Variants in SLC9A5 observed in about 807,000 individuals in gnomAD.
SLC9A5 encodes the protein sodium/hydrogen exchanger 5.
In SLC9A5, 52 loss-of-function variants were observed where a neutral mutation model predicts 91.7. The observed-to-expected ratio is 0.57, with a 90% CI of 0.45 to 0.71. The LOEUF (loss-of-function observed/expected upper bound fraction) is 0.71. Among genes scored for constraint, SLC9A5 ranks in the 30% least tolerant of loss-of-function variants. SLC9A5 has a pLI of 0.00. For missense variants in SLC9A5, 871 were observed against 1,158.9 expected, an observed-to-expected ratio of 0.75 and a Z score of 3.61; for synonymous variants, 419 against 474.5, an observed-to-expected ratio of 0.88 and a Z score of 1.52.
chr16:67,259,385 A>AAG (rs142564401), intron 10 of SLC9A5, among the ~76,000 whole-genome samples, 188 bp from the exon 11 acceptor site: 10 of 150,542 alleles, frequency 6.6e-5, no homozygotes, highest in African/African-American at 2.4e-4. Context: ...AAAAAAAAAA[A>AAG]TAGAAAGCAG....
chr16:67,261,676 A>AATAGTTCTT (rs1437319521), intron 12 of SLC9A5: 2 of 152,204 alleles, frequency 1.3e-5, no homozygotes, highest in Non-Finnish European at 2.9e-5. Context: ...AAAAATCTAT[A>AATAGTTCTT]ATAGTTCTTT....
intron 12 of SLC9A5, chr16:67,262,725 C>T (rs2035571592): frequency 5.5e-6 from 1 of 180,422 alleles, no homozygotes; most frequent in South Asian, 1.2e-4. Flanking sequence ...CTAAGGATAA[C>T]ACTGAGGAGT....
At chr16:67,250,154 T>C (rs1193744081) in intron 1 of SLC9A5, among the ~76,000 whole-genome samples, 1 of 152,194 alleles carries the variant, frequency 6.6e-6, no homozygotes, top group Non-Finnish European at 1.5e-5. Context: ...AATTTGCCCC[T>C]CTTCTCCCAC....
intron 1 of SLC9A5, 138 bp downstream of exon 1, chr16:67,249,339 C>A: frequency 3.1e-6 from 2 of 647,318 alleles, no homozygotes; most frequent in Non-Finnish European, 4.5e-6. Context: ...CAAATCCGGG[C>A]TCTCGCCCAG....
intron 2 of SLC9A5, among the ~76,000 whole-genome samples, chr16:67,253,847 T>G (rs2035217207): frequency 6.6e-6 from 1 of 152,196 alleles, no homozygotes; most frequent in South Asian, 2.1e-4. Context: ...CTGAGGCTCT[T>G]TGCCTTTAGG....
Position 67,252,602 on chromosome 16 carries a change from TG to T in SLC9A5, c.251del (p.Gly84AlafsTer4). On this transcript the variant is annotated frameshift_variant, in exon 2 of 16. Coordinates refer to ENST00000299798, the MANE Select transcript of SLC9A5 (RefSeq NM_004594.3). LOFTEE classifies it high-confidence loss of function. This position sits in a 1 kb window ranked among gnomAD's most constrained non-coding sequence, Gnocchi z 4.0. ...CCTGAGAGCTGCCTGCTGATTTTGCTGGGCCTGGTGCTAGGGGGAATTGTTT... is the reference window on the plus strand; with the variant it reads ...CCTGAGAGCTGCCTGCTGATTTTGCTGGCCTGGTGCTAGGGGGAATTGTTT... ...LVPESCLLILLGLVLGGIVLA... is the reference protein window; with the variant it reads ...LVPESCLLILXGLVLGGIVLA... 6.2e-7 allele frequency: 1 copy of T among 1,614,112 alleles called. No individual in the cohort carries two copies.
chr16:67,251,613 C>T (rs1002798777), intron 1 of SLC9A5, among the ~76,000 whole-genome samples: 2 of 151,810 alleles, frequency 1.3e-5, no homozygotes, highest in Admixed American at 1.3e-4. Flanking sequence ...AGGGTTTCGC[C>T]GTGCTGGCCA....
chr16:67,260,076 C>T (rs777041225), intron 12 of SLC9A5, 130 bp downstream of exon 12: 140 of 1,284,974 alleles, frequency 1.1e-4, no homozygotes, highest in Admixed American at 6.6e-4. Context: ...CAGCCGGGTG[C>T]GATGGCTCAT....
Position 67,255,956 on chromosome 16 carries a change from G to C in SLC9A5, c.911+26G>C. On this transcript the variant is annotated intron_variant, in intron 5 of 15. Coordinates refer to ENST00000299798, the MANE Select transcript of SLC9A5 (RefSeq NM_004594.3). This position sits in a 1 kb window ranked among gnomAD's most constrained non-coding sequence, Gnocchi z 4.9. ...GTGAGTTCTGGGGGCCTTGCAGGCA[G>C]ATAGCTGGGAGGGGGCACTGGAGAT... The C allele has an allele frequency of 6.2e-7, 1 of 1,606,424 alleles. No individual in the cohort carries two copies. Among genetic ancestry groups the C allele is most frequent in the Middle Eastern group, 1.8e-4 (1 of 5,570 alleles).
At position 67,258,510 on chromosome 16, in the gene SLC9A5, GA is replaced by G; in HGVS notation, c.1626+66del. 6.3e-7 allele frequency: 1 copy of G among 1,595,326 alleles called. No individual in the cohort carries two copies. Among genetic ancestry groups the G allele is most frequent in the Admixed American group, 1.7e-5 (1 of 59,892 alleles). ...GGCAGATGGTCAGCAGAGCAGGACAGAAAGGGGTGGCAAGCAGGCTGGCCCT... is the reference window on the plus strand; with the variant it reads ...GGCAGATGGTCAGCAGAGCAGGACAGAAGGGGTGGCAAGCAGGCTGGCCCT... On this transcript the variant is annotated intron_variant, in intron 10 of 15. Coordinates refer to ENST00000299798, the MANE Select transcript of SLC9A5 (RefSeq NM_004594.3). The surrounding 1 kb of genome is among the most constrained non-coding windows in gnomAD (Gnocchi z 4.5).
rs756795558 is a variant in SLC9A5 at position 67,271,222 on chromosome 16, G to T, written c.*12G>T. The T allele has an allele frequency of 1.9e-6, 3 of 1,602,502 alleles. No homozygotes were observed. Among genetic ancestry groups the T allele is most frequent in the South Asian group, 1.1e-5 (1 of 90,288 alleles). On this transcript the variant is annotated 3_prime_UTR_variant, in exon 16 of 16. Transcript: ENST00000299798. Reference sequence around the variant, plus strand: ...GCAGCCGGCTGTAGCTCAAGGCCTCGGGGAGGAGCAGGAGGTGGAATCCCT... The same window carrying T: ...GCAGCCGGCTGTAGCTCAAGGCCTCTGGGAGGAGCAGGAGGTGGAATCCCT...
Position 67,259,975 on chromosome 16 carries a change from AG to A in SLC9A5, c.1842+34del, listed in dbSNP as rs756624590. 56 of 1,609,336 alleles carry A rather than the reference AG, an allele frequency of 3.5e-5. 1 individual carries two copies. The South Asian group carries it at 6.1e-4, about 17-fold the overall frequency. ...AGAGCAGGCAGGCATCAGGATTTTG[AG>A]GGGGTGGAGGTGGTCTGAGGAGAGC... is the stretch of plus-strand genomic sequence containing the variant. On this transcript the variant is annotated intron_variant, in intron 12 of 15. Coordinates refer to ENST00000299798, the MANE Select transcript of SLC9A5 (RefSeq NM_004594.3).
At chr16:67,254,279 G>A (rs1165566284) in intron 2 of SLC9A5, among the ~76,000 whole-genome samples, 1 of 152,212 alleles carries the variant, frequency 6.6e-6, no homozygotes, top group Non-Finnish European at 1.5e-5. Context: ...GGGAACCACA[G>A]GTGTGGGAGA....
chr16:67,257,972 C>CTTCG lies in SLC9A5; in HGVS notation c.1497-345_1497-342dup, dbSNP rs1244943236. ...CTTCACCTCCCTCTCACTTACTCAG[C>CTTCG]TTCGATTCATCCTTCACAACTCACC... On this transcript the variant is annotated intron_variant, in intron 9 of 15. Coordinates refer to ENST00000299798, the MANE Select transcript of SLC9A5 (RefSeq NM_004594.3). This position sits in a 1 kb window ranked among gnomAD's most constrained non-coding sequence, Gnocchi z 5.1. Among the ~76,000 whole-genome samples the CTTCG allele has an allele frequency of 6.6e-6, 1 of 152,252 alleles. No individual in the cohort carries two copies.
rs777707504 is a variant in SLC9A5, at chr16:67,264,312, G to A, written c.1843-40G>A. On this transcript the variant is annotated intron_variant, in intron 12 of 15. Coordinates refer to ENST00000299798, the MANE Select transcript of SLC9A5 (RefSeq NM_004594.3). ...GCCTGGGGTTCTTGTGGGAGGCCAA[G>A]GCATCCATCCTCATAGCCAGGCGGG... 3.1e-6 allele frequency: 5 copies of A among 1,599,250 alleles called. No individual in the cohort carries two copies. The African/African-American group carries it at 5.3e-5, about 17-fold the overall frequency.
At chr16:67,254,520 C>T (rs1215800581) in intron 2 of SLC9A5, among the ~76,000 whole-genome samples, 1 of 152,240 alleles carries the variant, frequency 6.6e-6, no homozygotes, top group Non-Finnish European at 1.5e-5. Context: ...CCTCAGCCTC[C>T]CAAGTAGCTG....
At chr16:67,262,186 CA>C in intron 12 of SLC9A5, 1 of 436,662 alleles carries the variant, frequency 2.3e-6, no homozygotes, top group South Asian at 1.6e-5. Context: ...TGTATTCATC[CA>C]AATCCACATA....
intron 1 of SLC9A5, among the ~76,000 whole-genome samples, chr16:67,250,033 G>C (rs1463192117): frequency 6.6e-6 from 1 of 152,130 alleles, no homozygotes; most frequent in Non-Finnish European, 1.5e-5. Flanking sequence ...CTCTGCTGTG[G>C]GGGTGACTAA....
chr16:67,265,981 C>A, intron 14 of SLC9A5, 107 bp from the exon 15 acceptor site: 1 of 1,440,296 alleles, frequency 6.9e-7, no homozygotes, highest in South Asian at 1.4e-5. Flanking sequence ...AGTGTCTCTG[C>A]CAACGTGTGT....
Sources: allele counts gnomAD v4.1 joint callset (sites outside exome capture counted in the v4.1 genomes callset), GRCh38; gene constraint gnomAD v4.1.1; non-coding constraint Gnocchi (gnomAD v3.1); transcripts MANE v1.5; gene names NCBI Gene and HGNC (gene_info 2026-07-23, HGNC 2026-07-21).